The following SLCO4C1 variants were observed in gnomAD, a reference collection of about 807,000 sequenced individuals.
SLCO4C1 encodes organic anion transporter M1.
SLCO4C1 carries 58 observed loss-of-function variants against 72.1 expected under a neutral mutation model. That is an observed-to-expected ratio of 0.80 (90% CI 0.65 to 1.00). The LOEUF is 1.00. Ranked by LOEUF, SLCO4C1 falls within the 50% of genes least tolerant of loss-of-function variation. SLCO4C1 has a pLI of 0.00. For missense variants in SLCO4C1, 898 were observed against 857.9 expected (o/e 1.05, Z -0.58); for synonymous variants, 297 against 312.5 (o/e 0.95, Z 0.52).
Position 102,247,475 on chromosome 5 carries a change from G to A in SLCO4C1, c.1621-33C>T, listed in dbSNP as rs764765332. On this transcript the variant is annotated intron_variant, in intron 9 of 12. Transcript: ENST00000310954. ...TATTAGACATAAAAACAATGAAAGT[G>A]ATCATTTAGAAAATAAATTATTGTA... The A allele has an allele frequency of 8.9e-6, 12 of 1,349,070 alleles. No individual in the cohort carries two copies. In the Admixed American group the frequency reaches 2.6e-4, roughly 29 times the overall value. The allele number at this position is 1,349,070 out of a possible 1,614,324, so 83.6% of individuals were successfully genotyped here.
intron 2 of SLCO4C1, among the ~76,000 whole-genome samples, chr5:102,280,691 T>C (rs1369800320): frequency 2.0e-5 from 3 of 152,096 alleles, no homozygotes; most frequent in Non-Finnish European, 4.4e-5. Context: ...ACATCTTACA[T>C]GGTCGCAGGC....
chr5:102,262,183 G>T, intron 4 of SLCO4C1, 150 bp from the exon 5 acceptor site: 1 of 511,886 alleles, frequency 2.0e-6, no homozygotes, highest in Non-Finnish European at 3.2e-6. Flanking sequence ...CAAAGAATCA[G>T]AAAACAGGTA....
chr5:102,288,845 C>G (rs1446969655), intron 2 of SLCO4C1, among the ~76,000 whole-genome samples: 7 of 152,142 alleles, frequency 4.6e-5, no homozygotes, highest in African/African-American at 1.7e-4. Context: ...CACAGTATTA[C>G]TTCATTCTAT....
At chr5:102,282,255 T>C (rs1418769898) in intron 2 of SLCO4C1, among the ~76,000 whole-genome samples, 2 of 152,152 alleles carry the variant, frequency 1.3e-5, no homozygotes, top group Non-Finnish European at 2.9e-5. Flanking sequence ...TATGTAAAAA[T>C]TCAGTTCTAT....
intron 2 of SLCO4C1, among the ~76,000 whole-genome samples, chr5:102,274,027 T>C (rs1749200946): frequency 6.6e-6 from 1 of 152,012 alleles, no homozygotes; most frequent in Non-Finnish European, 1.5e-5. Context: ...TAAATAAAAA[T>C]ATACTATAAT....
chr5:102,271,304 T>A (rs1383096330), intron 2 of SLCO4C1, among the ~76,000 whole-genome samples: 1 of 151,430 alleles, frequency 6.6e-6, no homozygotes, highest in African/African-American at 2.4e-5. Context: ...GTCCAGCACA[T>A]GTATTTAATA....
intron 2 of SLCO4C1, among the ~76,000 whole-genome samples, chr5:102,287,194 T>G (rs1002231999): frequency 6.6e-6 from 1 of 152,188 alleles, no homozygotes; most frequent in Non-Finnish European, 1.5e-5. Context: ...GTTTTCTTTT[T>G]GCAGTTTCCT....
intron 1 of SLCO4C1, 21 bp downstream of exon 1, chr5:102,295,887 C>G (rs1749640870): frequency 6.3e-7 from 1 of 1,596,674 alleles, no homozygotes; most frequent in South Asian, 1.1e-5. Context: ...GCCCGAGCCT[C>G]AAGCGGGCGC....
chr5:102,264,474 CT>C (rs1426238316), intron 3 of SLCO4C1, among the ~76,000 whole-genome samples: 4 of 152,002 alleles, frequency 2.6e-5, no homozygotes, highest in Non-Finnish European at 4.4e-5. Flanking sequence ...TATAGTTTCA[CT>C]TTTTTTCCCC....
At chr5:102,244,056 G>T (rs1748593691) in intron 10 of SLCO4C1, among the ~76,000 whole-genome samples, 1 of 152,016 alleles carries the variant, frequency 6.6e-6, no homozygotes, top group Non-Finnish European at 1.5e-5. Flanking sequence ...GCATGGTGGT[G>T]CACGTCTGTC....
chr5:102,288,467 C>CA (rs1443327452), intron 2 of SLCO4C1, among the ~76,000 whole-genome samples: 1 of 152,172 alleles, frequency 6.6e-6, no homozygotes, highest in Non-Finnish European at 1.5e-5. Flanking sequence ...ACCCCAGTCT[C>CA]AGCCACATTT....
chr5:102,260,247 C>A lies in SLCO4C1; in HGVS notation c.1094G>T (p.Gly365Val). Residue 365 changes from glycine (G) to valine (V), a missense_variant, in exon 6 of 13, where the codon GGA (glycine) becomes GTA (valine). Transcript: ENST00000310954. ...AGCTGGAAAATCTTTAATACTTTTT[C>A]CAAATTTCACATCTGCATTACTATT... ...QSNSNADVKF[G>V]KSIKDFPAAL... The A allele has an allele frequency of 7.1e-7, 1 of 1,400,460 alleles. No homozygotes were observed. The highest frequency in any genetic ancestry group is 2.0e-5 in the South Asian group (1 of 50,812). The allele number at this position is 1,400,460 out of a possible 1,614,324, so 86.8% of individuals were successfully genotyped here.
At chr5:102,286,759 A>G (rs1749459965) in intron 2 of SLCO4C1, among the ~76,000 whole-genome samples, 1 of 152,094 alleles carries the variant, frequency 6.6e-6, no homozygotes, top group Non-Finnish European at 1.5e-5. Context: ...TTAAAAAAAC[A>G]CTTTCTCTCC....
chr5:102,292,036 G>T (rs774616932), intron 1 of SLCO4C1, among the ~76,000 whole-genome samples: 2 of 152,006 alleles, frequency 1.3e-5, no homozygotes, highest in Non-Finnish European at 2.9e-5. Context: ...TGTTGGCCAG[G>T]CTGGTCTTGA....
intron 8 of SLCO4C1, among the ~76,000 whole-genome samples, chr5:102,250,097 A>G (rs1490077849): frequency 6.6e-6 from 1 of 152,160 alleles, no homozygotes; most frequent in Admixed American, 6.5e-5. Context: ...TGGACTATAG[A>G]ATGTTTAGCA....
intron 1 of SLCO4C1, among the ~76,000 whole-genome samples, chr5:102,295,097 T>C (rs1749623515): frequency 6.6e-6 from 1 of 152,206 alleles, no homozygotes; most frequent in Admixed American, 6.5e-5. Flanking sequence ...CTTCAACCTC[T>C]GTATTGAACA....
At chr5:102,270,520 G>T in intron 3 of SLCO4C1, 104 bp downstream of exon 3, 1 of 880,812 alleles carries the variant, frequency 1.1e-6, no homozygotes, top group Non-Finnish European at 1.6e-6. Context: ...GAAAACCTAT[G>T]GCATTACAAC....
chr5:102,265,209 T>A (rs1749014401), intron 3 of SLCO4C1, among the ~76,000 whole-genome samples: 1 of 152,162 alleles, frequency 6.6e-6, no homozygotes, highest in African/African-American at 2.4e-5. Context: ...TTATATATTC[T>A]GGAAATTAGA....
At chr5:102,276,713 A>G (rs116763404) in intron 2 of SLCO4C1, among the ~76,000 whole-genome samples, 315 of 152,260 alleles carry the variant, frequency 2.1e-3, no homozygotes, top group African/African-American at 7.1e-3. Flanking sequence ...GAAAGGAACA[A>G]CTCAATTTTC....
Sources: allele counts gnomAD v4.1 joint callset (sites outside exome capture counted in the v4.1 genomes callset), GRCh38; gene constraint gnomAD v4.1.1; transcripts MANE v1.5; gene names NCBI Gene and HGNC (gene_info 2026-07-23, HGNC 2026-07-21).